Variants in KDM4B observed in about 807,000 individuals in gnomAD.
KDM4B encodes the protein lysine demethylase 4B.
In KDM4B, 32 loss-of-function variants were observed where a neutral mutation model predicts 125.2. That is an observed-to-expected ratio of 0.26 (90% CI 0.19 to 0.34). The LOEUF is 0.34. KDM4B is among the 10% of genes least tolerant of loss of function. KDM4B has a pLI of 1.00. For synonymous variants in KDM4B, 721 were observed against 677.9 expected (o/e 1.06, Z -0.99); for missense variants, 1,190 against 1,577.7 (o/e 0.75, Z 4.16).
Position 4,997,407 on chromosome 19 carries a change from A to G in KDM4B, c.-108-18850A>G, listed in dbSNP as rs953594899. 1.3e-5 allele frequency among the ~76,000 whole-genome samples: 2 copies of G among 151,912 alleles called. No homozygotes were observed. Among genetic ancestry groups the G allele is most frequent in the African/African-American group, 2.4e-5 (1 of 41,336 alleles). On this transcript the variant is annotated intron_variant, in intron 1 of 22. Coordinates refer to ENST00000159111, the MANE Select transcript of KDM4B (RefSeq NM_015015.3). The surrounding 1 kb of genome is among the most constrained non-coding windows in gnomAD (Gnocchi z 4.2). ...CTTCCACTGTGTCCTTCTGTGGTTC[A>G]TGAGGACCTGCCATCTGGGGGCGGC...
intron 1 of KDM4B, among the ~76,000 whole-genome samples, chr19:4,994,756 T>A (rs949907871): frequency 6.6e-6 from 1 of 152,136 alleles, no homozygotes; most frequent in Admixed American, 6.6e-5. Flanking sequence ...TGTTTTCTAT[T>A]TTGTTCCTTT....
At chr19:5,084,589 A>G (rs1163149949) in intron 9 of KDM4B, among the ~76,000 whole-genome samples, 1 of 143,050 alleles carries the variant, frequency 7.0e-6, no homozygotes, top group Non-Finnish European at 1.5e-5. Flanking sequence ...ATATATAAAT[A>G]TAAATTATAT....
intron 11 of KDM4B, among the ~76,000 whole-genome samples, chr19:5,130,583 G>C (rs763393570): frequency 6.6e-6 from 1 of 152,226 alleles, no homozygotes; most frequent in African/African-American, 2.4e-5. Flanking sequence ...TTTTACTTTC[G>C]TCAAAAGCAA....
chr19:5,029,874 C>T (rs936817915), intron 2 of KDM4B, among the ~76,000 whole-genome samples: 1 of 152,168 alleles, frequency 6.6e-6, no homozygotes, highest in East Asian at 1.9e-4. Context: ...CCCTAGGGGG[C>T]GGTGGTGGGT....
chr19:5,151,219 C>T (rs2039941334), intron 22 of KDM4B, 116 bp from the exon 23 acceptor site: 3 of 902,076 alleles, frequency 3.3e-6, no homozygotes, highest in Non-Finnish European at 4.6e-6. Flanking sequence ...CTGAGCAGCC[C>T]CCACAGCAAT....
intron 1 of KDM4B, among the ~76,000 whole-genome samples, chr19:4,976,533 A>C (rs1358842235): frequency 6.6e-6 from 1 of 152,174 alleles, no homozygotes; most frequent in Non-Finnish European, 1.5e-5. Context: ...GCAGGAACTG[A>C]GGGTTTGTTT....
chr19:5,033,592 A>G (rs2036526346), intron 3 of KDM4B, among the ~76,000 whole-genome samples: 1 of 152,152 alleles, frequency 6.6e-6, no homozygotes, highest in Non-Finnish European at 1.5e-5. Context: ...AAACCAAGTC[A>G]GACCACACCA....
chr19:5,008,456 A>G (rs1282401832), intron 1 of KDM4B, among the ~76,000 whole-genome samples: 1 of 152,150 alleles, frequency 6.6e-6, no homozygotes, highest in Non-Finnish European at 1.5e-5. Flanking sequence ...TTGAGTGTAG[A>G]TGTTAAGGAA....
intron 2 of KDM4B, among the ~76,000 whole-genome samples, chr19:5,026,043 C>T (rs2036267838): frequency 6.6e-6 from 1 of 151,810 alleles, no homozygotes; most frequent in African/African-American, 2.4e-5. Context: ...CCACCACACC[C>T]AGCTAATGTT....
In KDM4B at chr19:5,143,054, G is replaced by C. The variant is rs538615919; in HGVS notation, c.2551-913G>C. 4.6e-5 allele frequency among the ~76,000 whole-genome samples: 7 copies of C among 152,248 alleles called. 1 individual carries two copies. The highest frequency in any genetic ancestry group is 1.7e-4 in the African/African-American group (7 of 41,546). ...AAAAGCCGATGTAAAGGACCTGCGCGATGGCTCACGCCTGTAATCCCAGCA... is the reference window on the plus strand; with the variant it reads ...AAAAGCCGATGTAAAGGACCTGCGCCATGGCTCACGCCTGTAATCCCAGCA... On this transcript the variant is annotated intron_variant, in intron 18 of 22. Coordinates refer to ENST00000159111, the MANE Select transcript of KDM4B (RefSeq NM_015015.3).
rs55641886 is a variant in KDM4B at position 4,994,020 on chromosome 19, G to GTTTTTTTTTTTTTTTTTTTTTT, written c.-108-22236_-108-22215dup. 1.3e-3 allele frequency among the ~76,000 whole-genome samples: 86 copies of GTTTTTTTTTTTTTTTTTTTTTT among 66,668 alleles called. 1 individual carries two copies. Among genetic ancestry groups the GTTTTTTTTTTTTTTTTTTTTTT allele is most frequent in the African/African-American group, 2.4e-3 (36 of 15,212 alleles). The allele number at this position is 66,668 out of a possible 152,430, so 43.7% of individuals were successfully genotyped here. A position where few individuals can be genotyped will look rare whatever the true frequency, so the allele number is the denominator to read the frequency against. On this transcript the variant is annotated intron_variant, in intron 1 of 22. Coordinates refer to ENST00000159111, the MANE Select transcript of KDM4B (RefSeq NM_015015.3). ...CGTTTAATTTTTATATTTTCAGCCTGTTTTTTTTTTTTTTTTTTTTTTGTT... is the reference window on the plus strand; with the variant it reads ...CGTTTAATTTTTATATTTTCAGCCTGTTTTTTTTTTTTTTTTTTTTTTTTTTTTTTTTTTTTTTTTTTTTGTT...
chr19:5,069,897 G>A (rs1008454232), intron 6 of KDM4B, among the ~76,000 whole-genome samples: 1 of 152,146 alleles, frequency 6.6e-6, no homozygotes, highest in African/African-American at 2.4e-5. Flanking sequence ...ATGAGCCACC[G>A]CGCCTGGCTT....
intron 10 of KDM4B, chr19:5,111,864 T>A (rs948973944): frequency 2.6e-6 from 2 of 762,868 alleles, no homozygotes; most frequent in Admixed American, 3.4e-5. Flanking sequence ...CGCGTGGCTG[T>A]GTCCGTGAAG....
rs978039756 is a variant in KDM4B at position 5,090,127 on chromosome 19, A to G, written c.918+7623A>G. 2.6e-5 allele frequency among the ~76,000 whole-genome samples: 4 copies of G among 152,156 alleles called. No homozygotes were observed. In the South Asian group the frequency reaches 8.3e-4, roughly 32 times the overall value. ...AGAGGACAGAGTGGAAGGTCCTGGA[A>G]GCCCAGCCCAGCATTGCTGAGCGCC... is the stretch of plus-strand genomic sequence containing the variant. On this transcript the variant is annotated intron_variant, in intron 9 of 22. Coordinates refer to ENST00000159111, the MANE Select transcript of KDM4B (RefSeq NM_015015.3).
intron 1 of KDM4B, among the ~76,000 whole-genome samples, chr19:4,986,007 G>A (rs2034818215): frequency 6.6e-6 from 1 of 152,246 alleles, no homozygotes; most frequent in Non-Finnish European, 1.5e-5. Context: ...TTCTCAGCCT[G>A]AGCTTCTCTT....
chr19:5,014,762 G>A (rs1048749238), intron 1 of KDM4B, among the ~76,000 whole-genome samples: 3 of 152,024 alleles, frequency 2.0e-5, no homozygotes, highest in African/African-American at 4.8e-5. Flanking sequence ...TCGGGAGGCC[G>A]AGGTGGGTGG....
At position 4,981,308 on chromosome 19, in the gene KDM4B, T is replaced by TC. The variant is rs542709690; in HGVS notation, c.-109+12083dup. On this transcript the variant is annotated intron_variant, in intron 1 of 22. Coordinates refer to ENST00000159111, the MANE Select transcript of KDM4B (RefSeq NM_015015.3). ...ACACCAGGGCCCGACGGCTGTCCTG[T>TC]CCCCCTCGTCCTGTTTTTGGTGTCA... Among the ~76,000 whole-genome samples the TC allele has an allele frequency of 7.3e-3, 1,112 of 152,124 alleles. 18 individuals are homozygous for TC. The highest frequency in any genetic ancestry group is 0.025 in the African/African-American group (1,056 of 41,486).
chr19:5,005,491 G>A (rs562269921), intron 1 of KDM4B, among the ~76,000 whole-genome samples: 80 of 152,286 alleles, frequency 5.3e-4, no homozygotes, highest in Middle Eastern at 3.4e-3. Flanking sequence ...CACGATGAGG[G>A]TGTTAACATG....
intron 2 of KDM4B, among the ~76,000 whole-genome samples, chr19:5,023,709 C>T (rs1440661698): frequency 1.3e-5 from 2 of 151,752 alleles, no homozygotes; most frequent in Non-Finnish European, 2.9e-5. Context: ...ACTTCCTACC[C>T]ACAGAGGAGG....
Sources: gnomAD v4.1 joint callset for allele counts (sites outside exome capture counted in the v4.1 genomes callset) on GRCh38, gnomAD v4.1.1 for gene constraint, Gnocchi (gnomAD v3.1) non-coding constraint, MANE v1.5 for transcripts, NCBI Gene and HGNC (gene_info 2026-07-23, HGNC 2026-07-21) for gene names.